The following IGSF21 variants were observed in gnomAD, a reference collection of about 807,000 sequenced individuals.
The protein encoded by IGSF21 is immunoglobulin superfamily member 21.
Under a neutral mutation model 46.8 loss-of-function variants are expected in IGSF21, and 28 were observed. The ratio of observed to expected loss-of-function variants is 0.60; its 90% CI spans 0.44 to 0.82. The LOEUF is 0.82. Ranked by LOEUF, IGSF21 falls within the 40% of genes least tolerant of loss-of-function variation. The pLI, the probability that IGSF21 is intolerant of heterozygous loss-of-function variation, is 0.00. For missense variants in IGSF21, 624 were observed against 665.5 expected (o/e 0.94, Z 0.69); for synonymous variants, 284 against 273.6 (o/e 1.04, Z -0.38).
intron 4 of IGSF21, among the ~76,000 whole-genome samples, chr1:18,340,537 G>C (rs1418875366): frequency 2.0e-5 from 3 of 152,210 alleles, no homozygotes; most frequent in African/African-American, 4.8e-5. Flanking sequence ...TTGCTCCCTG[G>C]ACTCACATTC....
intron 3 of IGSF21, among the ~76,000 whole-genome samples, chr1:18,314,728 C>A (rs868140641): frequency 6.6e-6 from 1 of 152,170 alleles, no homozygotes; most frequent in Admixed American, 6.5e-5. Flanking sequence ...TACCCTACCT[C>A]TCAGAAAACT....
intron 1 of IGSF21, among the ~76,000 whole-genome samples, chr1:18,153,568 CT>C (rs1238630427): frequency 6.6e-6 from 1 of 152,200 alleles, no homozygotes; most frequent in Non-Finnish European, 1.5e-5. Flanking sequence ...GGGTGGATGA[CT>C]GACTGGGAAC....
chr1:18,288,694 C>G (rs758448943), intron 2 of IGSF21, among the ~76,000 whole-genome samples: 3 of 152,174 alleles, frequency 2.0e-5, no homozygotes, highest in Non-Finnish European at 4.4e-5. Flanking sequence ...GCTGCTAGCC[C>G]GCTGGCCCCA....
rs145563358 is a variant in IGSF21, at chr1:18,334,834, C to A, written c.306-58C>A. The A allele has an allele frequency of 1.7e-5, 22 of 1,291,872 alleles. No homozygotes were observed. The highest frequency in any genetic ancestry group is 2.5e-5 in the Non-Finnish European group (22 of 890,118). The allele number at this position is 1,291,872 out of a possible 1,614,324, so 80.0% of individuals were successfully genotyped here. Reference sequence around the variant, plus strand: ...GGGCATCAGGATGAGTTTCCTTGAACGCTGCCTCACCCAGCCCCACGATGA... The same window carrying A: ...GGGCATCAGGATGAGTTTCCTTGAAAGCTGCCTCACCCAGCCCCACGATGA... On this transcript the variant is annotated intron_variant, in intron 3 of 9. Coordinates refer to ENST00000251296, the MANE Select transcript of IGSF21 (RefSeq NM_032880.5). The surrounding 1 kb of genome is among the most constrained non-coding windows in gnomAD (Gnocchi z 4.3).
intron 1 of IGSF21, among the ~76,000 whole-genome samples, chr1:18,191,203 T>C (rs2086952802): frequency 1.3e-5 from 2 of 152,194 alleles, no homozygotes; most frequent in Non-Finnish European, 2.9e-5. Context: ...GTGCTGGACT[T>C]TGCTGTGTGA....
intron 1 of IGSF21, among the ~76,000 whole-genome samples, chr1:18,147,578 A>G (rs2086481746): frequency 1.3e-5 from 2 of 151,886 alleles, no homozygotes; most frequent in African/African-American, 4.8e-5. Context: ...GCCATCTGTC[A>G]GGACACTGCT....
chr1:18,262,647 G>A (rs965161659), intron 2 of IGSF21, among the ~76,000 whole-genome samples: 3 of 152,206 alleles, frequency 2.0e-5, no homozygotes, highest in African/African-American at 7.2e-5. Flanking sequence ...TTCCTGGAGA[G>A]AGCTGGAGGC....
At chr1:18,123,137 G>A (rs1364900356) in intron 1 of IGSF21, among the ~76,000 whole-genome samples, 2 of 152,246 alleles carry the variant, frequency 1.3e-5, no homozygotes, top group South Asian at 2.1e-4. Flanking sequence ...TCCCGGGTCC[G>A]TAAAATGAAA....
chr1:18,364,566 C>T (rs562327898), intron 5 of IGSF21, among the ~76,000 whole-genome samples: 2 of 152,002 alleles, frequency 1.3e-5, no homozygotes, highest in South Asian at 4.2e-4. Context: ...GGCACATGTA[C>T]CAAAATAAAA....
chr1:18,291,071 G>T (rs1408544839), intron 2 of IGSF21, among the ~76,000 whole-genome samples: 9 of 152,228 alleles, frequency 5.9e-5, no homozygotes, highest in Admixed American at 2.0e-4. Flanking sequence ...GCTTCGTGGA[G>T]TAACACTTTC....
At chr1:18,331,423 G>A (rs2085712268) in intron 3 of IGSF21, among the ~76,000 whole-genome samples, 1 of 152,196 alleles carries the variant, frequency 6.6e-6, no homozygotes, top group South Asian at 2.1e-4. Flanking sequence ...CCAGGTTGCT[G>A]TGAATGCCAT....
intron 1 of IGSF21, among the ~76,000 whole-genome samples, chr1:18,193,025 C>G (rs1460284049): frequency 6.6e-6 from 1 of 151,780 alleles, no homozygotes; most frequent in Non-Finnish European, 1.5e-5. Flanking sequence ...GTAGCAACCC[C>G]CAAGCAGAGA....
chr1:18,245,103 A>C (rs551215434), intron 2 of IGSF21, among the ~76,000 whole-genome samples: 14 of 152,336 alleles, frequency 9.2e-5, no homozygotes, highest in African/African-American at 3.4e-4. Context: ...TGCTTGTAAA[A>C]AAGGGTTTCC....
chr1:18,159,181 C>T (rs2086594295), intron 1 of IGSF21, among the ~76,000 whole-genome samples: 1 of 152,222 alleles, frequency 6.6e-6, no homozygotes, highest in African/African-American at 2.4e-5. Flanking sequence ...CAGCACAGCT[C>T]CGGAACCTGA....
intron 2 of IGSF21, among the ~76,000 whole-genome samples, chr1:18,273,133 C>G (rs553092504): frequency 1.3e-5 from 2 of 150,144 alleles, no homozygotes; most frequent in South Asian, 4.2e-4. Context: ...GAAACCTCCA[C>G]CTCCTAGGTT....
chr1:18,199,731 C>A (rs914107837), intron 1 of IGSF21, among the ~76,000 whole-genome samples: 1 of 152,172 alleles, frequency 6.6e-6, no homozygotes, highest in African/African-American at 2.4e-5. Flanking sequence ...AAAGCTCCGA[C>A]TTTATTTAAT....
chr1:18,184,614 G>A (rs559845143), intron 1 of IGSF21, among the ~76,000 whole-genome samples: 1 of 152,284 alleles, frequency 6.6e-6, no homozygotes, highest in East Asian at 1.9e-4. Flanking sequence ...CTGCCCCAGA[G>A]ATAAGAAGAT....
intron 4 of IGSF21, among the ~76,000 whole-genome samples, chr1:18,338,651 G>A (rs897743212): frequency 1.3e-5 from 2 of 152,190 alleles, no homozygotes; most frequent in Non-Finnish European, 2.9e-5. Flanking sequence ...AGAGGCCTCC[G>A]GGTGAAGATG....
At chr1:18,155,965 G>A (rs764840836) in intron 1 of IGSF21, among the ~76,000 whole-genome samples, 21 of 152,250 alleles carry the variant, frequency 1.4e-4, no homozygotes, top group Non-Finnish European at 2.8e-4. Context: ...GCTGGCGAAA[G>A]GTGAAGTATT....
Sources: allele counts gnomAD v4.1 joint callset (sites outside exome capture counted in the v4.1 genomes callset), GRCh38; gene constraint gnomAD v4.1.1; non-coding constraint Gnocchi (gnomAD v3.1); transcripts MANE v1.5; gene names NCBI Gene and HGNC (gene_info 2026-07-23, HGNC 2026-07-21).